Variants in SLC25A40 observed in about 807,000 individuals in gnomAD.
SLC25A40 encodes mitochondrial glutathione transporter SLC25A40.
In SLC25A40, 41 loss-of-function variants were observed where a neutral mutation model predicts 46.5. The ratio of observed to expected loss-of-function variants is 0.88; its 90% CI spans 0.69 to 1.14. The LOEUF is 1.14. SLC25A40 is among the 50% of genes most tolerant of loss of function. The pLI is 0.00. For missense variants in SLC25A40, 386 were observed against 393.6 expected (o/e 0.98, Z 0.16); for synonymous variants, 126 against 127.5 (o/e 0.99, Z 0.08).
rs757669911 is a variant in SLC25A40, at chr7:87,843,789, T to TA, written c.705dup (p.Met236TyrfsTer22). ...AATGCCCCTGAAGTAAAGTTGATCATAAATGTTGGCTCATATAAACCAGAT... is the reference window on the plus strand; with the variant it reads ...AATGCCCCTGAAGTAAAGTTGATCATAAAATGTTGGCTCATATAAACCAGAT... On this transcript the variant is annotated frameshift_variant, in exon 9 of 12. Transcript: ENST00000341119. LOFTEE classifies it high-confidence loss of function. The TA allele has an allele frequency of 1.2e-6, 2 of 1,611,452 alleles. No individual in the cohort carries two copies. The highest frequency in any genetic ancestry group is 1.7e-5 in the Admixed American group (1 of 59,886).
intron 10 of SLC25A40, among the ~76,000 whole-genome samples, chr7:87,840,668 T>G (rs1447144636): frequency 3.3e-5 from 5 of 151,804 alleles, no homozygotes; most frequent in African/African-American, 9.7e-5. Context: ...GGGCTTAGGT[T>G]TCTAGAAGGC....
Position 87,870,785 on chromosome 7 carries a change from C to T in SLC25A40, c.-94+5311G>A, listed in dbSNP as rs183325667. Reference sequence around the variant, plus strand: ...GCTTCCTGCTCCAACCCCTTTTCAGCTCCCCTTCTTGCTGAGAGCCACTTT... The same window carrying T: ...GCTTCCTGCTCCAACCCCTTTTCAGTTCCCCTTCTTGCTGAGAGCCACTTT... On this transcript the variant is annotated intron_variant, in intron 1 of 11. Transcript: ENST00000341119. Among the ~76,000 whole-genome samples the T allele has an allele frequency of 3.9e-5, 6 of 152,302 alleles. No homozygotes were observed. In the East Asian group the frequency reaches 1.2e-3, roughly 29 times the overall value.
intron 1 of SLC25A40, among the ~76,000 whole-genome samples, chr7:87,873,804 T>C (rs1838931159): frequency 1.3e-5 from 2 of 152,218 alleles, no homozygotes; most frequent in Admixed American, 1.3e-4. Flanking sequence ...TTCATTTCTC[T>C]TGATTCACAG....
chr7:87,849,389 T>C (rs1838473014), intron 6 of SLC25A40, among the ~76,000 whole-genome samples: 1 of 152,240 alleles, frequency 6.6e-6, no homozygotes, highest in Admixed American at 6.5e-5. Flanking sequence ...CTGCGATTTA[T>C]AGTACACTTC....
chr7:87,847,746 TATATC>T (rs1838443075), intron 7 of SLC25A40, 102 bp downstream of exon 7: 1 of 1,096,814 alleles, frequency 9.1e-7, no homozygotes, highest in Non-Finnish European at 1.2e-6. Flanking sequence ...TAATGCAAAA[TATATC>T]ATACTAATAC....
chr7:87,839,605 A>T (rs536153140), intron 10 of SLC25A40, among the ~76,000 whole-genome samples: 166 of 151,854 alleles, frequency 1.1e-3, no homozygotes, highest in Non-Finnish European at 1.6e-3. Flanking sequence ...CTCATAAATT[A>T]GGTAAAAGTT....
At chr7:87,870,278 AG>A (rs1465561525) in intron 1 of SLC25A40, among the ~76,000 whole-genome samples, 3 of 151,738 alleles carry the variant, frequency 2.0e-5, no homozygotes, top group Admixed American at 6.6e-5. Flanking sequence ...AACATACAAA[AG>A]TTTTAAGTCT....
chr7:87,872,469 G>C (rs576906181), intron 1 of SLC25A40, among the ~76,000 whole-genome samples: 2 of 152,006 alleles, frequency 1.3e-5, no homozygotes, highest in Non-Finnish European at 2.9e-5. Context: ...ATAAATAAAC[G>C]TCCAGTCAGA....
chr7:87,875,813 C>T (rs980136847), intron 1 of SLC25A40, among the ~76,000 whole-genome samples: 3 of 152,214 alleles, frequency 2.0e-5, no homozygotes, highest in African/African-American at 7.2e-5. Flanking sequence ...GCCGTCAAGG[C>T]CGGGGCCGCC....
At chr7:87,873,541 T>G (rs1238718633) in intron 1 of SLC25A40, among the ~76,000 whole-genome samples, 1 of 151,464 alleles carries the variant, frequency 6.6e-6, no homozygotes. Context: ...CAAGTGATTC[T>G]CCTGCCTCAG....
intron 5 of SLC25A40, among the ~76,000 whole-genome samples, chr7:87,852,878 A>G (rs1207593881): frequency 7.2e-5 from 11 of 152,254 alleles, no homozygotes; most frequent in Admixed American, 7.2e-4. Flanking sequence ...CTCAAAATGG[A>G]TCAAGGACTT....
chr7:87,846,885 C>T, intron 8 of SLC25A40, 64 bp downstream of exon 8: 1 of 1,335,780 alleles, frequency 7.5e-7, no homozygotes, highest in Non-Finnish European at 1.0e-6. Flanking sequence ...AATCTAGTGA[C>T]AGTAATATTT....
chr7:87,872,072 A>G (rs1838903707), intron 1 of SLC25A40, among the ~76,000 whole-genome samples: 1 of 152,236 alleles, frequency 6.6e-6, no homozygotes. Context: ...CATTTCATAG[A>G]CTGGAAGAAT....
intron 3 of SLC25A40, among the ~76,000 whole-genome samples, chr7:87,857,809 TAGGG>T (rs1378578137): frequency 6.6e-6 from 1 of 152,240 alleles, no homozygotes; most frequent in East Asian, 1.9e-4. Context: ...ACAGCGATTT[TAGGG>T]AACAAGGGAA....
In SLC25A40 at chr7:87,836,373, A is replaced by G. The variant is rs369225044; in HGVS notation, c.905-12T>C. ...GCGAGGAATTAGGCCTGAGAAAAGAATAGGAATAATCAAAACAAATATTTT... is the reference window on the plus strand; with the variant it reads ...GCGAGGAATTAGGCCTGAGAAAAGAGTAGGAATAATCAAAACAAATATTTT... On this transcript the variant is annotated splice_polypyrimidine_tract_variant and intron_variant, in intron 11 of 11. Coordinates refer to ENST00000341119, the MANE Select transcript of SLC25A40 (RefSeq NM_018843.4). 33 of 1,447,186 alleles carry G rather than the reference A, an allele frequency of 2.3e-5. No individual in the cohort carries two copies. In the African/African-American group the frequency reaches 4.5e-4, roughly 20 times the overall value. The allele number at this position is 1,447,186 out of a possible 1,614,324, so 89.6% of individuals were successfully genotyped here. A position where few individuals can be genotyped will look rare whatever the true frequency, so the allele number is the denominator to read the frequency against.
At chr7:87,853,925 G>A (rs915643310) in intron 5 of SLC25A40, among the ~76,000 whole-genome samples, 1 of 152,082 alleles carries the variant, frequency 6.6e-6, no homozygotes, top group South Asian at 2.1e-4. Context: ...TGGTACCACT[G>A]GGGGAAACTA....
intron 1 of SLC25A40, among the ~76,000 whole-genome samples, chr7:87,861,162 T>C (rs979954809): frequency 6.6e-6 from 1 of 152,216 alleles, no homozygotes; most frequent in Non-Finnish European, 1.5e-5. Flanking sequence ...TGTACTCTTT[T>C]AGCCTACAAG....
In SLC25A40 at chr7:87,861,285, TCAAA is replaced by T. The variant is rs1007933117; in HGVS notation, c.-93-649_-93-646del. ...AGTCAACCACCAAAAGAACCCTGGTTCAAACAAACAAATTTTTCCAGTTTGAGGG... is the reference window on the plus strand; with the variant it reads ...AGTCAACCACCAAAAGAACCCTGGTTCAAACAAATTTTTCCAGTTTGAGGG... On this transcript the variant is annotated intron_variant, in intron 1 of 11. Transcript: ENST00000341119. Among the ~76,000 whole-genome samples, 42 of 152,312 alleles carry T rather than the reference TCAAA, an allele frequency of 2.8e-4. 1 individual carries two copies. The highest frequency in any genetic ancestry group is 9.4e-4 in the African/African-American group (39 of 41,584).
chr7:87,844,003 G>T, intron 8 of SLC25A40, 140 bp from the exon 9 acceptor site: 1 of 1,317,288 alleles, frequency 7.6e-7, no homozygotes, highest in Non-Finnish European at 9.6e-7. Context: ...ACACCCACTA[G>T]GGTGGGATTT....
Sources: gnomAD v4.1 joint callset for allele counts (sites outside exome capture counted in the v4.1 genomes callset) on GRCh38, gnomAD v4.1.1 for gene constraint, MANE v1.5 for transcripts, NCBI Gene and HGNC (gene_info 2026-07-23, HGNC 2026-07-21) for gene names.